ACTR3: variants seen among roughly 807,000 people sequenced by gnomAD.
ACTR3 encodes the protein actin-related protein 3.
Under a neutral mutation model 56.8 loss-of-function variants are expected in ACTR3, and 12 were observed. The ratio of observed to expected loss-of-function variants is 0.21; its 90% CI spans 0.14 to 0.34. ACTR3 has a LOEUF of 0.34. Among genes scored for constraint, ACTR3 ranks in the 10% least tolerant of loss-of-function variants. The pLI is 1.00. For missense variants in ACTR3, 282 were observed against 512.5 expected (o/e 0.55, Z 4.34); for synonymous variants, 162 against 167.4 (o/e 0.97, Z 0.25).
At chr2:113,921,423 T>A (rs1317950682) in intron 3 of ACTR3, among the ~76,000 whole-genome samples, 1 of 152,032 alleles carries the variant, frequency 6.6e-6, no homozygotes, top group Non-Finnish European at 1.5e-5. Context: ...ATTCCATAAC[T>A]TGTATTTTCC....
chr2:113,914,514 G>A (rs576198033), intron 2 of ACTR3, among the ~76,000 whole-genome samples: 1 of 151,772 alleles, frequency 6.6e-6, no homozygotes, highest in Admixed American at 6.6e-5. Flanking sequence ...AGGAGGCTGA[G>A]GCAGGAGAAT....
At chr2:113,945,359 C>T (rs1679997219) in intron 8 of ACTR3, among the ~76,000 whole-genome samples, 1 of 152,050 alleles carries the variant, frequency 6.6e-6, no homozygotes, top group South Asian at 2.1e-4. Context: ...TTTCTAAATA[C>T]TGTGATGGTA....
intron 10 of ACTR3, chr2:113,952,355 A>G (rs1279905711): frequency 6.6e-6 from 1 of 152,258 alleles, no homozygotes; most frequent in East Asian, 1.9e-4. Flanking sequence ...GTTAAAAAAA[A>G]TCAAAATTAA....
intron 8 of ACTR3, 60 bp from the exon 9 acceptor site, chr2:113,951,419 T>C: frequency 8.3e-7 from 1 of 1,205,800 alleles, no homozygotes; most frequent in South Asian, 1.3e-5. Flanking sequence ...GTTTAACCTT[T>C]TATTGTGATA....
At chr2:113,928,307 T>G (rs1284425764) in intron 4 of ACTR3, among the ~76,000 whole-genome samples, 1 of 152,216 alleles carries the variant, frequency 6.6e-6, no homozygotes, top group Admixed American at 6.5e-5. Context: ...TTGGCTATAA[T>G]TGCTTCATGA....
intron 1 of ACTR3, among the ~76,000 whole-genome samples, chr2:113,896,307 A>G (rs1403672633): frequency 1.3e-5 from 2 of 152,200 alleles, no homozygotes; most frequent in East Asian, 1.9e-4. Context: ...AAAGGAATAC[A>G]GTGTGTTATG....
chr2:113,898,214 A>G (rs189812190), intron 1 of ACTR3, among the ~76,000 whole-genome samples: 146 of 152,182 alleles, frequency 9.6e-4, no homozygotes, highest in African/African-American at 3.3e-3. Context: ...TTTAAAATTC[A>G]GTTACTCAAG....
chr2:113,904,967 A>T (rs1416392964), intron 1 of ACTR3: 1 of 152,128 alleles, frequency 6.6e-6, no homozygotes, highest in Admixed American at 6.5e-5. Flanking sequence ...CTGTCTAGAT[A>T]ATTTGTGTAG....
chr2:113,934,927 T>A (rs1679796194), intron 6 of ACTR3, among the ~76,000 whole-genome samples: 1 of 152,226 alleles, frequency 6.6e-6, no homozygotes, highest in Non-Finnish European at 1.5e-5. Context: ...AAATGACTAC[T>A]AGAATTCATA....
Position 113,960,754 on chromosome 2 carries a change from G to A in ACTR3, c.*3299G>A. On this transcript the variant is annotated 3_prime_UTR_variant, in exon 12 of 12. Transcript: ENST00000263238. ...ATAGTCACCAGGCATGAGTACCTTG[G>A]ATAGCCCTCTGAAGTCTGTTACCAC... 6.6e-6 allele frequency: 1 copy of A among 151,852 alleles called. No homozygotes were observed. The highest frequency in any genetic ancestry group is 1.9e-4 in the East Asian group (1 of 5,192). 9.4% of individuals were successfully genotyped at this position (151,852 alleles called of 1,614,324 possible).
At chr2:113,907,606 T>A (rs1256264480) in intron 1 of ACTR3, among the ~76,000 whole-genome samples, 1 of 152,154 alleles carries the variant, frequency 6.6e-6, no homozygotes, top group Non-Finnish European at 1.5e-5. Flanking sequence ...TTGCAAGGGC[T>A]GTAGAAAAAT....
intron 2 of ACTR3, among the ~76,000 whole-genome samples, 173 bp from the exon 3 acceptor site, chr2:113,916,711 T>G (rs1182793770): frequency 6.6e-6 from 1 of 152,196 alleles, no homozygotes; most frequent in African/African-American, 2.4e-5. Context: ...GGTTTCGTTG[T>G]GTGAAATGAA....
chr2:113,910,198 C>T (rs2104590652), intron 1 of ACTR3, among the ~76,000 whole-genome samples: 1 of 152,194 alleles, frequency 6.6e-6, no homozygotes, highest in South Asian at 2.1e-4. Context: ...TCACCAGTGG[C>T]CAATGGTTTA....
In ACTR3 at chr2:113,961,491, C is replaced by G. The variant is rs937485288; in HGVS notation, c.*4036C>G. The G allele has an allele frequency of 2.6e-5, 4 of 151,886 alleles. No homozygotes were observed. The highest frequency in any genetic ancestry group is 5.9e-5 in the Non-Finnish European group (4 of 67,872). The allele number at this position is 151,886 out of a possible 1,614,324, so 9.4% of individuals were successfully genotyped here. A position where few individuals can be genotyped will look rare whatever the true frequency, so the allele number is the denominator to read the frequency against. On this transcript the variant is annotated 3_prime_UTR_variant, in exon 12 of 12. Transcript: ENST00000263238. ...TTTTGATTTAGCAATTACTTGTTTT[C>G]TAGTGTTCTGTCAATTTTTGGTGAC... is the stretch of plus-strand genomic sequence containing the variant.
intron 4 of ACTR3, among the ~76,000 whole-genome samples, 162 bp from the exon 5 acceptor site, chr2:113,931,139 C>T (rs539095483): frequency 1.3e-5 from 2 of 151,784 alleles, no homozygotes; most frequent in East Asian, 3.9e-4. Context: ...TGTTTGAATT[C>T]TCTATAGTTT....
At chr2:113,903,484 G>C (rs1399289298) in intron 1 of ACTR3, among the ~76,000 whole-genome samples, 1 of 151,684 alleles carries the variant, frequency 6.6e-6, no homozygotes, top group Non-Finnish European at 1.5e-5. Context: ...TTGTGCCTCA[G>C]CTTCCTGAGT....
rs541659829 is a variant in ACTR3 at position 113,890,535 on chromosome 2, C to G, written c.44+212C>G. 100 of 1,370,692 alleles carry G rather than the reference C, an allele frequency of 7.3e-5. No homozygotes were observed. The East Asian group carries it at 2.3e-3, about 31-fold the overall frequency. 84.9% of individuals were successfully genotyped at this position (1,370,692 alleles called of 1,614,324 possible). The stretch of plus-strand genomic sequence containing the variant: ...TGGGACTGGGGCGGGGGCGCGGGCC[C>G]GAGATTCAACCCCCAACCCTCCCAG... On this transcript the variant is annotated intron_variant, in intron 1 of 11. Coordinates refer to ENST00000263238, the MANE Select transcript of ACTR3 (RefSeq NM_005721.5).
chr2:113,909,775 T>C (rs1290185086), intron 1 of ACTR3, among the ~76,000 whole-genome samples: 3 of 152,074 alleles, frequency 2.0e-5, no homozygotes, highest in Non-Finnish European at 4.4e-5. Flanking sequence ...TTATAAAAAT[T>C]GGAAATGATT....
intron 10 of ACTR3, chr2:113,955,074 G>C (rs1325652199): frequency 6.6e-6 from 1 of 152,006 alleles, no homozygotes; most frequent in Non-Finnish European, 1.5e-5. Flanking sequence ...GCTTAATCCT[G>C]GAATATGTAT....
Sources: allele counts gnomAD v4.1 joint callset (sites outside exome capture counted in the v4.1 genomes callset), GRCh38; gene constraint gnomAD v4.1.1; transcripts MANE v1.5; gene names NCBI Gene and HGNC (gene_info 2026-07-23, HGNC 2026-07-21).